The following RPTOR variants were observed in gnomAD, a reference collection of about 807,000 sequenced individuals.
RPTOR encodes regulatory-associated protein of mTOR.
Under a neutral mutation model 169.9 loss-of-function variants are expected in RPTOR, and 21 were observed. The ratio of observed to expected loss-of-function variants is 0.12; its 90% CI spans 0.09 to 0.18. The LOEUF is 0.18. RPTOR is among the 10% of genes least tolerant of loss of function. The pLI is 1.00. For missense variants in RPTOR, 1,133 were observed against 1,855.9 expected (o/e 0.61, Z 7.16); for synonymous variants, 732 against 753.2 (o/e 0.97, Z 0.46).
intron 6 of RPTOR, among the ~76,000 whole-genome samples, chr17:80,790,548 A>G (rs1218918882): frequency 1.3e-5 from 2 of 152,026 alleles, no homozygotes; most frequent in African/African-American, 4.8e-5. Flanking sequence ...TGGGTCCACC[A>G]TCCCCCATAG....
In RPTOR at chr17:80,665,316, T is replaced by TTTTTC. The variant is rs916650321; in HGVS notation, c.348+21517_348+21521dup. On this transcript the variant is annotated intron_variant, in intron 3 of 33. Coordinates refer to ENST00000306801, the MANE Select transcript of RPTOR (RefSeq NM_020761.3). ...TGCTTGTTTTCTTCTTGAGAAAATT[T>TTTTTC]TTTTCTTTTCTTTTCCCTTTCCTTT... 1.2e-3 allele frequency among the ~76,000 whole-genome samples: 160 copies of TTTTTC among 128,084 alleles called. 13 individuals carry two copies. Among genetic ancestry groups the TTTTTC allele is most frequent in the East Asian group, 4.5e-3 (21 of 4,662 alleles). 84.0% of individuals were successfully genotyped at this position (128,084 alleles called of 152,430 possible).
At chr17:80,547,752 T>C (rs1168610737) in intron 1 of RPTOR, among the ~76,000 whole-genome samples, 2 of 152,106 alleles carry the variant, frequency 1.3e-5, no homozygotes, top group Non-Finnish European at 2.9e-5. Flanking sequence ...TCAAATGATA[T>C]TGAGTGGGGA....
intron 3 of RPTOR, among the ~76,000 whole-genome samples, chr17:80,673,577 C>T (rs776180147): frequency 5.3e-5 from 8 of 152,212 alleles, no homozygotes; most frequent in Non-Finnish European, 7.3e-5. Context: ...GAGCGGTTGC[C>T]GTGACCTTCG....
intron 6 of RPTOR, among the ~76,000 whole-genome samples, chr17:80,764,623 C>T (rs533827261): frequency 3.3e-5 from 5 of 152,144 alleles, no homozygotes; most frequent in East Asian, 1.9e-4. Context: ...AGTAAACATA[C>T]GTGTGCATGT....
At chr17:80,652,736 G>A (rs1332428352) in intron 3 of RPTOR, among the ~76,000 whole-genome samples, 1 of 152,172 alleles carries the variant, frequency 6.6e-6, no homozygotes, top group Non-Finnish European at 1.5e-5. Flanking sequence ...TAGTGTTTGT[G>A]TGGGCCCCTG....
chr17:80,751,058 A>G lies in RPTOR; in HGVS notation c.655-2952A>G, dbSNP rs557710175. Among the ~76,000 whole-genome samples the G allele has an allele frequency of 2.6e-5, 4 of 152,334 alleles. No homozygotes were observed. The East Asian group carries it at 7.7e-4, about 29-fold the overall frequency. ...AGAATGGGTTATTAATAAAACTAGC[A>G]GTCATTAGTACCTTCCAGCTGAGAA... On this transcript the variant is annotated intron_variant, in intron 5 of 33. Coordinates refer to ENST00000306801, the MANE Select transcript of RPTOR (RefSeq NM_020761.3).
rs144334394 is a variant in RPTOR at position 80,549,192 on chromosome 17, A to G, written c.162+3401A>G. ...TCTAAGTTACTGTTACTTTAAAATT[A>G]TTATCAAGTTAGTTTGTTGTTTGGT... On this transcript the variant is annotated intron_variant, in intron 1 of 33. Transcript: ENST00000306801. Among the ~76,000 whole-genome samples, 295 of 152,338 alleles carry G rather than the reference A, an allele frequency of 1.9e-3. 2 individuals are homozygous for G. The highest frequency in any genetic ancestry group is 6.5e-3 in the African/African-American group (272 of 41,566).
At chr17:80,680,291 GAAGA>G (rs2065888554) in intron 3 of RPTOR, among the ~76,000 whole-genome samples, 1 of 152,184 alleles carries the variant, frequency 6.6e-6, no homozygotes, top group Non-Finnish European at 1.5e-5. Flanking sequence ...TGGAATCCTA[GAAGA>G]GAATGACAGG....
chr17:80,954,788 G>A (rs1568008857), intron 28 of RPTOR, among the ~76,000 whole-genome samples: 1 of 152,252 alleles, frequency 6.6e-6, no homozygotes, highest in Admixed American at 6.5e-5. Flanking sequence ...ATGGTGGCAG[G>A]TGCCTGTAAT....
chr17:80,706,883 CTG>C (rs1340230747), intron 3 of RPTOR, among the ~76,000 whole-genome samples: 1 of 152,206 alleles, frequency 6.6e-6, no homozygotes, highest in Non-Finnish European at 1.5e-5. Context: ...TTCACGTCTT[CTG>C]TGTTTTCCAG....
rs545906932 is a variant in RPTOR, at chr17:80,796,142, C to A, written c.890+4633C>A. 1.1e-4 allele frequency among the ~76,000 whole-genome samples: 16 copies of A among 152,338 alleles called. No homozygotes were observed. In the South Asian group the frequency reaches 3.3e-3, roughly 32 times the overall value. On this transcript the variant is annotated intron_variant, in intron 7 of 33. Transcript: ENST00000306801. Reference sequence around the variant, plus strand: ...GTCCATTCTCACACTGCTGTCAAGACACTGCCTGAGACTGGGTGTATTAGG... The same window carrying A: ...GTCCATTCTCACACTGCTGTCAAGAAACTGCCTGAGACTGGGTGTATTAGG...
chr17:80,786,648 C>T (rs1426091632), intron 6 of RPTOR, among the ~76,000 whole-genome samples: 3 of 152,124 alleles, frequency 2.0e-5, no homozygotes, highest in Non-Finnish European at 4.4e-5. Context: ...GATTGGCTAC[C>T]GCAGGGGGTC....
chr17:80,877,036 G>A (rs929026204), intron 13 of RPTOR, among the ~76,000 whole-genome samples: 3 of 127,490 alleles, frequency 2.4e-5, no homozygotes, highest in Admixed American at 8.2e-5. Context: ...CACCGAGCCC[G>A]TGCCGCCCAG....
intron 9 of RPTOR, 85 bp from the exon 10 acceptor site, chr17:80,837,837 G>T (rs1199545341): frequency 3.1e-6 from 4 of 1,305,886 alleles, no homozygotes; most frequent in Non-Finnish European, 4.3e-6. Flanking sequence ...CCCAGGCTCA[G>T]CCGGCTCCTC....
At chr17:80,815,318 GGA>G (rs1169702545) in intron 7 of RPTOR, among the ~76,000 whole-genome samples, 1 of 152,198 alleles carries the variant, frequency 6.6e-6, no homozygotes, top group Non-Finnish European at 1.5e-5. Flanking sequence ...CAGGCCCCGT[GGA>G]GAGAGAGCTG....
At position 80,844,104 on chromosome 17, in the gene RPTOR, A is replaced by G. The variant is rs895870059; in HGVS notation, c.1213-2369A>G. On this transcript the variant is annotated intron_variant, in intron 10 of 33. Transcript: ENST00000306801. This position sits in a 1 kb window ranked among gnomAD's most constrained non-coding sequence, Gnocchi z 4.7. ...GGAGAAAATCTCAGAGATTTGGCCC[A>G]AAACATCAGCCCTGTGAATCATGGG... 8.5e-5 allele frequency among the ~76,000 whole-genome samples: 13 copies of G among 152,164 alleles called. No homozygotes were observed. The highest frequency in any genetic ancestry group is 8.5e-4 in the Admixed American group (13 of 15,278).
chr17:80,914,539 A>G (rs1408771782), intron 21 of RPTOR, among the ~76,000 whole-genome samples: 4 of 152,164 alleles, frequency 2.6e-5, no homozygotes, highest in Admixed American at 2.6e-4. Context: ...CAGGCTTGGA[A>G]GCGTCTGCTC....
chr17:80,927,973 AG>A, intron 24 of RPTOR, among the ~76,000 whole-genome samples: 1 of 152,092 alleles, frequency 6.6e-6, no homozygotes, highest in Non-Finnish European at 1.5e-5. Flanking sequence ...GGATCCATGT[AG>A]GAGCTGCCAT....
intron 1 of RPTOR, among the ~76,000 whole-genome samples, chr17:80,579,430 G>T (rs2064995613): frequency 6.6e-6 from 1 of 152,188 alleles, no homozygotes; most frequent in Non-Finnish European, 1.5e-5. Context: ...GACCTCAGGT[G>T]ATCCGCCTGC....
Sources: allele counts gnomAD v4.1 joint callset (sites outside exome capture counted in the v4.1 genomes callset), GRCh38; gene constraint gnomAD v4.1.1; non-coding constraint Gnocchi (gnomAD v3.1); transcripts MANE v1.5; gene names NCBI Gene and HGNC (gene_info 2026-07-23, HGNC 2026-07-21).